The following TDRD12 variants were observed in gnomAD, a reference collection of about 807,000 sequenced individuals.
The protein encoded by TDRD12 is tudor domain containing 12.
Under a neutral mutation model 133.5 loss-of-function variants are expected in TDRD12, and 158 were observed. The ratio of observed to expected loss-of-function variants is 1.18; its 90% CI spans 1.04 to 1.35. The LOEUF is 1.35. TDRD12 is among the 40% of genes most tolerant of loss of function. The pLI, the probability that TDRD12 is intolerant of heterozygous loss-of-function variation, is 0.00. For synonymous variants in TDRD12, 460 were observed against 477.9 expected, an observed-to-expected ratio of 0.96 and a Z score of 0.49; for missense variants, 1,443 against 1,321.3, an observed-to-expected ratio of 1.09 and a Z score of -1.43.
At chr19:32,828,155 A>G (rs1967650826) in exon 10 of TDRD12, 1 of 152,236 alleles carries the variant, frequency 6.6e-6, no homozygotes, top group Non-Finnish European at 1.5e-5. Context: ...TGATGAAGAG[A>G]TAGTCCAGGG....
At chr19:32,802,511 G>GA (rs1174467475) in intron 19 of TDRD12, 145 bp from the exon 20 acceptor site, 4 of 963,192 alleles carry the variant, frequency 4.2e-6, no homozygotes, top group South Asian at 1.9e-5. Flanking sequence ...GCATTTTGGG[G>GA]AAAAAAATGG....
intron 25 of TDRD12, among the ~76,000 whole-genome samples, chr19:32,814,356 TATTA>T (rs1489652982): frequency 1.9e-4 from 29 of 152,232 alleles, no homozygotes; most frequent in Non-Finnish European, 3.5e-4. Context: ...AGTTCTGCTG[TATTA>T]GACTTAAATC....
intron 11 of TDRD12, among the ~76,000 whole-genome samples, chr19:32,785,551 A>G (rs1970883653): frequency 6.6e-6 from 1 of 152,138 alleles, no homozygotes; most frequent in Non-Finnish European, 1.5e-5. Context: ...TCTAATATAG[A>G]CAGTGGGGTG....
chr19:32,803,033 A>C, exon 21 of TDRD12: 1 of 1,536,038 alleles, frequency 6.5e-7, no homozygotes, highest in Non-Finnish European at 8.7e-7. Context: ...AGCGGACGCC[A>C]AGGTCCCCGC....
intron 11 of TDRD12, 130 bp downstream of exon 11, chr19:32,777,359 A>C: frequency 1.6e-6 from 1 of 628,104 alleles, no homozygotes; most frequent in East Asian, 3.2e-5. Context: ...TGTACAGTAT[A>C]TCTCCTGTAG....
At chr19:32,746,602 GTTA>G (rs1969641705) in intron 4 of TDRD12, among the ~76,000 whole-genome samples, 1 of 141,956 alleles carries the variant, frequency 7.0e-6, no homozygotes, top group Non-Finnish European at 1.5e-5. Context: ...GGCTGATGTG[GTTA>G]TTCTGTGTGT....
intron 1 of TDRD12, among the ~76,000 whole-genome samples, chr19:32,721,277 G>A (rs1160388176): frequency 6.6e-6 from 1 of 152,222 alleles, no homozygotes. Context: ...AGAGGGGTGG[G>A]TATGGGTTAT....
intron 4 of TDRD12, among the ~76,000 whole-genome samples, chr19:32,745,138 G>T (rs1969563190): frequency 6.6e-6 from 1 of 152,220 alleles, no homozygotes; most frequent in South Asian, 2.1e-4. Flanking sequence ...CCTGCCCCCT[G>T]TACTGCCCTC....
chr19:32,801,821 T>C (rs1411094132), exon 19 of TDRD12: 2 of 1,478,304 alleles, frequency 1.4e-6, no homozygotes, highest in Admixed American at 2.1e-5. Context: ...ACTTACAAAA[T>C]GTTTTAGAAC....
At chr19:32,825,695 A>C (rs2145773945), downstream of TDRD12, among the ~76,000 whole-genome samples, 1 of 152,318 alleles carries the variant, frequency 6.6e-6, no homozygotes, top group African/African-American at 2.4e-5. The surrounding 1 kb of genome is among the most constrained non-coding windows in gnomAD (Gnocchi z 4.1). Context: ...CAGCCTGACC[A>C]ACATGGTGAA....
chr19:32,762,130 G>A (rs1040664437), intron 8 of TDRD12, among the ~76,000 whole-genome samples: 1 of 152,130 alleles, frequency 6.6e-6, no homozygotes, highest in African/African-American at 2.4e-5. Context: ...TCCTCCTAGT[G>A]TGTGGCTTGT....
chr19:32,752,243 G>A (rs960744401), intron 6 of TDRD12, among the ~76,000 whole-genome samples: 3 of 151,292 alleles, frequency 2.0e-5, no homozygotes, highest in Non-Finnish European at 2.9e-5. Flanking sequence ...TCAATGGTGC[G>A]ATCTTGGCTC....
chr19:32,756,749 T>C (rs947649198), intron 7 of TDRD12, among the ~76,000 whole-genome samples: 2 of 152,118 alleles, frequency 1.3e-5, no homozygotes, highest in African/African-American at 4.8e-5. Context: ...TTAGAGATAC[T>C]AAGAAAACAA....
At chr19:32,729,808 T>G (rs71351191) in intron 1 of TDRD12, among the ~76,000 whole-genome samples, 2 of 113,632 alleles carry the variant, frequency 1.8e-5, no homozygotes, top group African/African-American at 7.4e-5. Context: ...TTTTTTTTTG[T>G]GAGATGGAGT....
chr19:32,796,575 A>G (rs942505410), intron 14 of TDRD12, among the ~76,000 whole-genome samples: 2 of 151,104 alleles, frequency 1.3e-5, no homozygotes, highest in Non-Finnish European at 3.0e-5. Flanking sequence ...AGAAGAGCCA[A>G]ACTCCATCTC....
intron 27 of TDRD12, among the ~76,000 whole-genome samples, chr19:32,820,089 G>C (rs1967325950): frequency 6.6e-6 from 1 of 152,146 alleles, no homozygotes; most frequent in Admixed American, 6.5e-5. Context: ...AAGGAGAAGA[G>C]GGTGGGCGAC....
chr19:32,744,499 C>CAAAAAAAAAAAAA (rs10644749), intron 4 of TDRD12, among the ~76,000 whole-genome samples: 1 of 38,090 alleles, frequency 2.6e-5, no homozygotes, highest in Non-Finnish European at 4.6e-5. Flanking sequence ...GACTCCGTCT[C>CAAAAAAAAAAAAA]AAAAAAAAAA....
At position 32,810,401 on chromosome 19, in the gene TDRD12, TG is replaced by T. The variant is rs1382534021; in HGVS notation, c.2837+125del. ...GTATGTGAGCCTGGTGACAGCGGGGTGTCCCCCCAGATGCCTGCTCCAGTTC... is the reference window on the plus strand; with the variant it reads ...GTATGTGAGCCTGGTGACAGCGGGGTTCCCCCCAGATGCCTGCTCCAGTTC... On this transcript the variant is annotated intron_variant, in intron 23 of 27. Coordinates refer to ENST00000444215, the Ensembl canonical transcript of TDRD12. 3 of 779,712 alleles carry T rather than the reference TG, an allele frequency of 3.8e-6. No homozygotes were observed. In the East Asian group the frequency reaches 8.5e-5, roughly 22 times the overall value. The allele number at this position is 779,712 out of a possible 1,614,324, so 48.3% of individuals were successfully genotyped here.
At chr19:32,765,710 G>A (rs1159393228) in intron 8 of TDRD12, among the ~76,000 whole-genome samples, 1 of 151,398 alleles carries the variant, frequency 6.6e-6, no homozygotes, top group Admixed American at 6.6e-5. Flanking sequence ...GACACAGGAA[G>A]GGGAACATCA....
Sources: allele counts gnomAD v4.1 joint callset (sites outside exome capture counted in the v4.1 genomes callset), GRCh38; gene constraint gnomAD v4.1.1; non-coding constraint Gnocchi (gnomAD v3.1); transcripts MANE v1.5; gene names NCBI Gene and HGNC (gene_info 2026-07-23, HGNC 2026-07-21).